Variants in EXT1 observed in about 807,000 individuals in gnomAD.
EXT1 encodes the protein exostosin-1.
EXT1 carries 20 observed loss-of-function variants against 82.5 expected under a neutral mutation model. That is an observed-to-expected ratio of 0.24 (90% CI 0.17 to 0.35). The LOEUF (loss-of-function observed/expected upper bound fraction) is 0.35. Ranked by LOEUF, EXT1 falls within the 10% of genes least tolerant of loss-of-function variation. The pLI is 1.00. For missense variants in EXT1, 757 were observed against 936.5 expected (o/e 0.81, Z 2.50); for synonymous variants, 348 against 350.8 (o/e 0.99, Z 0.09).
At chr8:118,022,335 T>C (rs1816121255) in intron 1 of EXT1, among the ~76,000 whole-genome samples, 1 of 122,942 alleles carries the variant, frequency 8.1e-6, no homozygotes, top group Non-Finnish European at 1.7e-5. Flanking sequence ...TCTTTTTTTT[T>C]TTTTTTTTTT....
At chr8:117,957,507 C>T (rs866245860) in intron 1 of EXT1, among the ~76,000 whole-genome samples, 2 of 152,192 alleles carry the variant, frequency 1.3e-5, no homozygotes, top group Non-Finnish European at 2.9e-5. Context: ...GAGACAGACA[C>T]TGAAACAGGA....
At chr8:117,871,409 C>T (rs1028477483) in intron 1 of EXT1, among the ~76,000 whole-genome samples, 1 of 152,214 alleles carries the variant, frequency 6.6e-6, no homozygotes, top group African/African-American at 2.4e-5. Flanking sequence ...TTATCCTCAT[C>T]CCCGTGAGGG....
At chr8:117,886,600 A>C (rs17475190) in intron 1 of EXT1, among the ~76,000 whole-genome samples, 37,033 of 152,158 alleles carry the variant, frequency 0.24, 5,530 homozygotes, top group East Asian at 0.37. Flanking sequence ...TAAGCACCAA[A>C]ATGTCAAATT....
At chr8:118,049,854 C>T (rs1179204406) in intron 1 of EXT1, among the ~76,000 whole-genome samples, 1 of 151,906 alleles carries the variant, frequency 6.6e-6, no homozygotes, top group African/African-American at 2.4e-5. Context: ...CCACGACCGC[C>T]AGGGCTCCCT....
intron 1 of EXT1, among the ~76,000 whole-genome samples, chr8:117,971,968 T>C (rs1398747123): frequency 6.6e-6 from 1 of 152,014 alleles, no homozygotes. Context: ...CTGACCAACA[T>C]GGAGAAACCC....
chr8:118,041,391 G>T (rs527999435), intron 1 of EXT1, among the ~76,000 whole-genome samples: 2 of 152,204 alleles, frequency 1.3e-5, no homozygotes, highest in East Asian at 3.9e-4. Context: ...TAAGTGCCAG[G>T]CACCTTTTGA....
chr8:117,855,510 A>C (rs995934183), intron 1 of EXT1, among the ~76,000 whole-genome samples: 47 of 152,280 alleles, frequency 3.1e-4, no homozygotes, highest in African/African-American at 1.1e-3. Flanking sequence ...AACTTGAAAA[A>C]TGTGTGTGTT....
At chr8:117,891,306 T>C (rs1813236497) in intron 1 of EXT1, among the ~76,000 whole-genome samples, 1 of 152,218 alleles carries the variant, frequency 6.6e-6, no homozygotes, top group Non-Finnish European at 1.5e-5. Flanking sequence ...ACATTTTGAT[T>C]ACAACTTTAA....
At chr8:117,916,883 G>C (rs1267711049) in intron 1 of EXT1, among the ~76,000 whole-genome samples, 1 of 151,990 alleles carries the variant, frequency 6.6e-6, no homozygotes, top group Admixed American at 6.6e-5. Context: ...CTCCAGCCTG[G>C]GGGATAGAGT....
At chr8:117,834,132 T>C (rs1385527168) in intron 3 of EXT1, among the ~76,000 whole-genome samples, 1 of 152,228 alleles carries the variant, frequency 6.6e-6, no homozygotes, top group Non-Finnish European at 1.5e-5. Flanking sequence ...ATAGGGACTA[T>C]GGAGATCACA....
intron 3 of EXT1, among the ~76,000 whole-genome samples, chr8:117,832,574 A>G (rs995075832): frequency 6.6e-6 from 1 of 152,148 alleles, no homozygotes; most frequent in African/African-American, 2.4e-5. Context: ...TGTCATTGCT[A>G]TATAGTCTCC....
chr8:117,953,906 C>T (rs1409629468), intron 1 of EXT1, among the ~76,000 whole-genome samples: 1 of 151,792 alleles, frequency 6.6e-6, no homozygotes, highest in Admixed American at 6.6e-5. Flanking sequence ...CAAGACTCCA[C>T]CTCAACAACA....
At chr8:117,886,101 A>T (rs1247462592) in intron 1 of EXT1, among the ~76,000 whole-genome samples, 2 of 152,254 alleles carry the variant, frequency 1.3e-5, no homozygotes, top group Non-Finnish European at 1.5e-5. Flanking sequence ...CACGAATGAG[A>T]TGAATATATT....
chr8:117,995,683 T>C (rs1454180763), intron 1 of EXT1, among the ~76,000 whole-genome samples: 1 of 152,102 alleles, frequency 6.6e-6, no homozygotes, highest in Non-Finnish European at 1.5e-5. Flanking sequence ...TACTGCAAAT[T>C]TAAGATCCAG....
chr8:118,091,459 CCGGGCGCGGTGGCTCA>C (rs1817522224), intron 1 of EXT1, among the ~76,000 whole-genome samples: 1 of 152,050 alleles, frequency 6.6e-6, no homozygotes, highest in East Asian at 1.9e-4. Context: ...AATAAGTCGG[CCGGGCGCGGTGGCTCA>C]CGCCTGTAAT....
intron 1 of EXT1, among the ~76,000 whole-genome samples, chr8:117,896,836 G>A (rs1238946245): frequency 6.6e-6 from 1 of 152,190 alleles, no homozygotes; most frequent in South Asian, 2.1e-4. Context: ...CAGAAGAGCT[G>A]CCTTCTAAAT....
intron 1 of EXT1, among the ~76,000 whole-genome samples, chr8:117,848,947 CT>C (rs569671046): frequency 1.3e-5 from 2 of 152,184 alleles, no homozygotes; most frequent in African/African-American, 2.4e-5. Flanking sequence ...TAATCATGCC[CT>C]ACACCTTGGC....
intron 1 of EXT1, among the ~76,000 whole-genome samples, chr8:117,891,320 C>T (rs1813236646): frequency 6.6e-6 from 1 of 152,158 alleles, no homozygotes; most frequent in Non-Finnish European, 1.5e-5. Flanking sequence ...ACTTTAACTG[C>T]TCTAAAACAC....
chr8:117,833,540 G>A (rs535193845), intron 3 of EXT1, among the ~76,000 whole-genome samples: 60 of 152,094 alleles, frequency 3.9e-4, no homozygotes, highest in South Asian at 2.1e-3. Flanking sequence ...GCTTAAACCC[G>A]GGAGGTGGAG....
Sources: allele counts gnomAD v4.1 joint callset (sites outside exome capture counted in the v4.1 genomes callset), GRCh38; gene constraint gnomAD v4.1.1; transcripts MANE v1.5; gene names NCBI Gene and HGNC (gene_info 2026-07-23, HGNC 2026-07-21).